Variants in STX11 observed in about 807,000 individuals in gnomAD.
STX11 encodes syntaxin 11, also known as syntaxin-11.
A neutral mutation model predicts 19.9 loss-of-function variants in STX11; 21 were observed. The observed-to-expected ratio is 1.06, with a 90% CI of 0.75 to 1.52. STX11 has a LOEUF of 1.52. STX11 is among the 40% of genes most tolerant of loss of function. The pLI, the probability that STX11 is intolerant of heterozygous loss-of-function variation, is 0.00. For synonymous variants in STX11, 193 were observed against 174.4 expected (o/e 1.11, Z -0.84); for missense variants, 438 against 405.9 (o/e 1.08, Z -0.68).
rs1158419789 is a variant in STX11 at position 144,170,936 on chromosome 6, T to C, written c.-5-15687T>C. 6.6e-6 allele frequency among the ~76,000 whole-genome samples: 1 copy of C among 152,206 alleles called. No homozygotes were observed. The highest frequency in any genetic ancestry group is 1.5e-5 in the Non-Finnish European group (1 of 68,042). The stretch of plus-strand genomic sequence containing the variant: ...ACATGGCTTACCTCATTTAATCCCC[T>C]CTACTATCCTATGAGGTAATTATTT... On this transcript the variant is annotated intron_variant, in intron 1 of 1. Coordinates refer to ENST00000367568, the MANE Select transcript of STX11 (RefSeq NM_003764.4). This position sits in a 1 kb window ranked among gnomAD's most constrained non-coding sequence, Gnocchi z 4.7.
rs1584040288 is a variant in STX11 at position 144,172,442 on chromosome 6, T to C, written c.-5-14181T>C. On this transcript the variant is annotated intron_variant, in intron 1 of 1. Coordinates refer to ENST00000367568, the MANE Select transcript of STX11 (RefSeq NM_003764.4). This position sits in a 1 kb window ranked among gnomAD's most constrained non-coding sequence, Gnocchi z 4.2. ...ATAAGCCCCAAGGTGCTAGTGCTGT[T>C]GAAGCCTCTGCTTGCTCCATGTTTC... is the stretch of plus-strand genomic sequence containing the variant. Among the ~76,000 whole-genome samples the C allele has an allele frequency of 6.6e-6, 1 of 152,142 alleles. No homozygotes were observed. The highest frequency in any genetic ancestry group is 1.9e-4 in the East Asian group (1 of 5,192).
Position 144,162,961 on chromosome 6 carries a change from T to C in STX11, c.-6+12258T>C, listed in dbSNP as rs1801380806. Among the ~76,000 whole-genome samples the C allele has an allele frequency of 6.6e-6, 1 of 152,246 alleles. No individual in the cohort carries two copies. Among genetic ancestry groups the C allele is most frequent in the Non-Finnish European group, 1.5e-5 (1 of 68,048 alleles). On this transcript the variant is annotated intron_variant, in intron 1 of 1. Transcript: ENST00000367568. The surrounding 1 kb of genome is among the most constrained non-coding windows in gnomAD (Gnocchi z 4.6). ...CCTTTTGAGGTTCATTGTCTTATTC[T>C]AGTTTGCTCAGTGCTAGGAGTCCCA...
the STX11 span, among the ~76,000 whole-genome samples, chr6:144,142,626 A>G: frequency 2.0e-5 from 3 of 152,338 alleles, no homozygotes; most frequent in South Asian, 6.2e-4. Context: ...AATGGATGGA[A>G]CTGAAGGTTA....
upstream of STX11, among the ~76,000 whole-genome samples, chr6:144,148,284 C>T (rs1344386308): frequency 6.6e-6 from 1 of 152,226 alleles, no homozygotes; most frequent in African/African-American, 2.4e-5. Flanking sequence ...AGAAGCCCAG[C>T]ATGCTCCTGC....
In STX11 at chr6:144,182,180, TG is replaced by T. The variant is rs1289707938; in HGVS notation, c.-5-4442del. Among the ~76,000 whole-genome samples the T allele has an allele frequency of 4.6e-5, 7 of 152,276 alleles. No individual in the cohort carries two copies. Among genetic ancestry groups the T allele is most frequent in the African/African-American group, 1.7e-4 (7 of 41,480 alleles). On this transcript the variant is annotated intron_variant, in intron 1 of 1. Coordinates refer to ENST00000367568, the MANE Select transcript of STX11 (RefSeq NM_003764.4). This position sits in a 1 kb window ranked among gnomAD's most constrained non-coding sequence, Gnocchi z 4.8. ...AAGCTATGGGATATATAGGTTATTT[TG>T]ATTCTCTATTTGTGCCCACTTCTAT...
At chr6:144,146,195 G>A (rs748169642), upstream of STX11, among the ~76,000 whole-genome samples, 1 of 152,104 alleles carries the variant, frequency 6.6e-6, no homozygotes, top group Non-Finnish European at 1.5e-5. This position sits in a 1 kb window ranked among gnomAD's most constrained non-coding sequence, Gnocchi z 4.4. Flanking sequence ...AATTAGGAAC[G>A]GCACTAGCGT....
In STX11 at chr6:144,159,996, G is replaced by T. The variant is rs1274567625; in HGVS notation, c.-6+9293G>T. Among the ~76,000 whole-genome samples, 4 of 152,152 alleles carry T rather than the reference G, an allele frequency of 2.6e-5. No homozygotes were observed. Among genetic ancestry groups the T allele is most frequent in the African/African-American group, 9.6e-5 (4 of 41,500 alleles). On this transcript the variant is annotated intron_variant, in intron 1 of 1. Transcript: ENST00000367568. The surrounding 1 kb of genome is among the most constrained non-coding windows in gnomAD (Gnocchi z 4.3). ...GGTCCTTTTTCTCCTTTTCTGGCCAGTTCTTGTTTTTTAAAAAAATATTAT... is the reference window on the plus strand; with the variant it reads ...GGTCCTTTTTCTCCTTTTCTGGCCATTTCTTGTTTTTTAAAAAAATATTAT...
chr6:144,141,455 C>A, the STX11 span, among the ~76,000 whole-genome samples: 8 of 152,296 alleles, frequency 5.3e-5, no homozygotes, highest in African/African-American at 1.9e-4. Flanking sequence ...ATGTTTTCTA[C>A]CCCTATTGGC....
intron 1 of STX11, among the ~76,000 whole-genome samples, chr6:144,186,047 C>A: frequency 7.1e-6 from 1 of 140,952 alleles, no homozygotes; most frequent in African/African-American, 2.8e-5. Context: ...CTTTCTTCTT[C>A]TTTTTTCTTT....
chr6:144,146,632 T>A (rs1444421564), upstream of STX11, among the ~76,000 whole-genome samples: 1 of 152,112 alleles, frequency 6.6e-6, no homozygotes, highest in African/African-American at 2.4e-5. The surrounding 1 kb of genome is among the most constrained non-coding windows in gnomAD (Gnocchi z 4.4). Flanking sequence ...ATTTCATTGA[T>A]AAAATATGTT....
the STX11 span, among the ~76,000 whole-genome samples, chr6:144,143,302 G>A: frequency 6.6e-6 from 1 of 152,152 alleles, no homozygotes. Flanking sequence ...TCAGAGATGG[G>A]ATTTGGAGAC....
rs537700796 is a variant in STX11 at position 144,154,950 on chromosome 6, G to A, written c.-6+4247G>A. Among the ~76,000 whole-genome samples, 2 of 150,702 alleles carry A rather than the reference G, an allele frequency of 1.3e-5. No individual in the cohort carries two copies. The highest frequency in any genetic ancestry group is 2.1e-4 in the South Asian group (1 of 4,720). ...ACAACCCTGTCCACCCGCCCCCACC[G>A]CCTCCAAAAAAATGATCCCAACTCT... On this transcript the variant is annotated intron_variant, in intron 1 of 1. Coordinates refer to ENST00000367568, the MANE Select transcript of STX11 (RefSeq NM_003764.4). This position sits in a 1 kb window ranked among gnomAD's most constrained non-coding sequence, Gnocchi z 4.7.
chr6:144,174,653 C>G lies in STX11; in HGVS notation c.-5-11970C>G, dbSNP rs1389673042. Among the ~76,000 whole-genome samples, 2 of 152,178 alleles carry G rather than the reference C, an allele frequency of 1.3e-5. No individual in the cohort carries two copies. Among genetic ancestry groups the G allele is most frequent in the East Asian group, 3.9e-4 (2 of 5,190 alleles). ...AAGCCAGGATTACAGATATGAGTCC[C>G]TGTGCCTGGCCAGAAAAGTTTTTTT... On this transcript the variant is annotated intron_variant, in intron 1 of 1. Transcript: ENST00000367568. The surrounding 1 kb of genome is among the most constrained non-coding windows in gnomAD (Gnocchi z 5.3).
chr6:144,148,495 GAAC>G (rs145487441), upstream of STX11, among the ~76,000 whole-genome samples: 2,637 of 152,162 alleles, frequency 0.017, 81 homozygotes, highest in African/African-American at 0.059. Context: ...TAGATTTACA[GAAC>G]AACTGCAAAG....
Position 144,155,964 on chromosome 6 carries a change from T to TTC in STX11, c.-6+5263_-6+5264dup, listed in dbSNP as rs1562655344. ...AATCTTTCTTTCTTTCTTTCTTTCT[T>TTC]TCTTTCTTTCTTTCTTTCTTTCTTT... On this transcript the variant is annotated intron_variant, in intron 1 of 1. Coordinates refer to ENST00000367568, the MANE Select transcript of STX11 (RefSeq NM_003764.4). The surrounding 1 kb of genome is among the most constrained non-coding windows in gnomAD (Gnocchi z 4.5). 2.4e-5 allele frequency among the ~76,000 whole-genome samples: 3 copies of TTC among 124,122 alleles called. No homozygotes were observed. The highest frequency in any genetic ancestry group is 4.7e-5 in the Non-Finnish European group (3 of 63,912). The allele number at this position is 124,122 out of a possible 152,430, so 81.4% of individuals were successfully genotyped here.
In STX11 at chr6:144,164,033, A is replaced by G. The variant is rs540543539; in HGVS notation, c.-6+13330A>G. Among the ~76,000 whole-genome samples the G allele has an allele frequency of 3.9e-5, 6 of 152,282 alleles. No homozygotes were observed. In the East Asian group the frequency reaches 1.2e-3, roughly 29 times the overall value. ...GAAAATATACTTTAAAAGGACTGGG[A>G]CCACCTATGTTTTGCTCACCAAGCT... On this transcript the variant is annotated intron_variant, in intron 1 of 1. Transcript: ENST00000367568.
intron 1 of STX11, among the ~76,000 whole-genome samples, chr6:144,185,165 G>A (rs948835989): frequency 1.3e-5 from 2 of 152,168 alleles, no homozygotes; most frequent in Admixed American, 6.5e-5. Context: ...TAAAACTTCT[G>A]CTTAATTTAT....
chr6:144,145,071 G>C, the STX11 span, among the ~76,000 whole-genome samples: 1 of 152,160 alleles, frequency 6.6e-6, no homozygotes. Context: ...AATGAAAGCA[G>C]GGACTCAAAG....
Position 144,155,940 on chromosome 6 carries a change from A to ATCTATCCCT in STX11, c.-6+5240_-6+5241insATCCCTTCT, listed in dbSNP as rs1425569407. On this transcript the variant is annotated intron_variant, in intron 1 of 1. Coordinates refer to ENST00000367568, the MANE Select transcript of STX11 (RefSeq NM_003764.4). This position sits in a 1 kb window ranked among gnomAD's most constrained non-coding sequence, Gnocchi z 4.5. ...CTAATTAAATGTGTTTTAAAATTTA[A>ATCTATCCCT]TCTTTCTTTCTTTCTTTCTTTCTTT... is the stretch of plus-strand genomic sequence containing the variant. Among the ~76,000 whole-genome samples, 1 of 119,844 alleles carries ATCTATCCCT rather than the reference A, an allele frequency of 8.3e-6. No individual in the cohort carries two copies. The highest frequency in any genetic ancestry group is 8.8e-5 in the Admixed American group (1 of 11,404). The allele number at this position is 119,844 out of a possible 152,430, so 78.6% of individuals were successfully genotyped here.
Sources: gnomAD v4.1 joint callset for allele counts (sites outside exome capture counted in the v4.1 genomes callset) on GRCh38, gnomAD v4.1.1 for gene constraint, Gnocchi (gnomAD v3.1) non-coding constraint, MANE v1.5 for transcripts, NCBI Gene and HGNC (gene_info 2026-07-23, HGNC 2026-07-21) for gene names.